Variants in SGCZ observed in about 807,000 individuals in gnomAD.
SGCZ encodes zeta-sarcoglycan.
A neutral mutation model predicts 41.3 loss-of-function variants in SGCZ; 40 were observed. The ratio of observed to expected loss-of-function variants is 0.97; its 90% CI spans 0.75 to 1.26. The LOEUF (loss-of-function observed/expected upper bound fraction) is 1.26, where lower values mean the gene tolerates loss of function less well. SGCZ is among the 50% of genes most tolerant of loss of function. The pLI is 0.00. For synonymous variants in SGCZ, 206 were observed against 137.5 expected, an observed-to-expected ratio of 1.50 and a Z score of -3.49; for missense variants, 552 against 369.8, an observed-to-expected ratio of 1.49 and a Z score of -4.04.
intron 5 of SGCZ, among the ~76,000 whole-genome samples, chr8:14,130,353 ATATAT>A (rs140568657): frequency 0.18 from 27,414 of 151,902 alleles, 3,258 homozygotes; most frequent in East Asian, 0.63. Flanking sequence ...TATAATCAAA[ATATAT>A]TATTGTCAAA....
At chr8:15,053,151 A>G (rs1804578549) in intron 1 of SGCZ, among the ~76,000 whole-genome samples, 1 of 152,058 alleles carries the variant, frequency 6.6e-6, no homozygotes, top group African/African-American at 2.4e-5. Flanking sequence ...TTCCTATTTG[A>G]TGCTTTGATT....
chr8:14,140,891 T>C (rs1353412148), intron 5 of SGCZ, among the ~76,000 whole-genome samples: 2 of 152,124 alleles, frequency 1.3e-5, no homozygotes, highest in African/African-American at 2.4e-5. Flanking sequence ...AGAACAACAC[T>C]GGAGGCATAA....
chr8:14,341,520 T>C (rs1563267782), intron 2 of SGCZ, among the ~76,000 whole-genome samples: 1 of 152,160 alleles, frequency 6.6e-6, no homozygotes, highest in African/African-American at 2.4e-5. Context: ...AGGTTTGAAG[T>C]GACAAGACGC....
chr8:14,791,030 C>G (rs1177395092), intron 1 of SGCZ, among the ~76,000 whole-genome samples: 1 of 111,948 alleles, frequency 8.9e-6, no homozygotes, highest in Admixed American at 9.7e-5. Context: ...GACTCTGTCT[C>G]AAAAAAAAAA....
intron 2 of SGCZ, among the ~76,000 whole-genome samples, chr8:14,486,833 C>G (rs530705642): frequency 6.6e-6 from 1 of 152,170 alleles, no homozygotes; most frequent in African/African-American, 2.4e-5. Context: ...TGAATGATTA[C>G]GTTTTAAAGT....
At chr8:14,864,905 C>A (rs1803874080) in intron 1 of SGCZ, among the ~76,000 whole-genome samples, 2 of 151,970 alleles carry the variant, frequency 1.3e-5, no homozygotes, top group African/African-American at 4.8e-5. Context: ...TTTTGATTTT[C>A]ATTTCCTTGA....
intron 2 of SGCZ, among the ~76,000 whole-genome samples, chr8:14,351,253 C>T (rs2117104640): frequency 6.6e-6 from 1 of 152,180 alleles, no homozygotes; most frequent in South Asian, 2.1e-4. Flanking sequence ...TAAACTTATT[C>T]AGATAAATTG....
intron 2 of SGCZ, among the ~76,000 whole-genome samples, chr8:14,357,834 C>G (rs1803351649): frequency 6.6e-6 from 1 of 152,156 alleles, no homozygotes; most frequent in African/African-American, 2.4e-5. Flanking sequence ...CTGGTATTTT[C>G]TTGCTAACTC....
At chr8:14,747,660 CATT>C (rs151163754) in intron 1 of SGCZ, among the ~76,000 whole-genome samples, 1,410 of 139,486 alleles carry the variant, frequency 0.01, 19 homozygotes, top group Non-Finnish European at 0.012. Flanking sequence ...GGGTACAAGG[CATT>C]ATTATTATTA....
chr8:14,923,684 A>G (rs1339613522), intron 1 of SGCZ, among the ~76,000 whole-genome samples: 1 of 152,238 alleles, frequency 6.6e-6, no homozygotes, highest in Admixed American at 6.5e-5. Context: ...TTTATATCAC[A>G]GGAGAACAAT....
intron 4 of SGCZ, among the ~76,000 whole-genome samples, chr8:14,197,595 G>A (rs1194697487): frequency 6.6e-6 from 1 of 151,918 alleles, no homozygotes; most frequent in African/African-American, 2.4e-5. Flanking sequence ...AAAAGCTTCT[G>A]TCAAAATTCA....
chr8:14,142,915 G>C (rs1013533003), intron 5 of SGCZ, among the ~76,000 whole-genome samples: 1 of 151,522 alleles, frequency 6.6e-6, no homozygotes, highest in South Asian at 2.1e-4. Flanking sequence ...TAAGTTTCCT[G>C]AGACCTCCCT....
chr8:14,230,378 C>T (rs569022195), intron 4 of SGCZ, among the ~76,000 whole-genome samples: 52 of 152,158 alleles, frequency 3.4e-4, no homozygotes, highest in African/African-American at 1.1e-3. Flanking sequence ...CTCCAGGAAG[C>T]GTTCCAATAC....
chr8:14,821,261 T>C (rs1335363225), intron 1 of SGCZ, among the ~76,000 whole-genome samples: 1 of 151,834 alleles, frequency 6.6e-6, no homozygotes, highest in East Asian at 1.9e-4. Context: ...CTACTAAAAT[T>C]AAATTATGAG....
intron 1 of SGCZ, among the ~76,000 whole-genome samples, chr8:15,086,741 G>A (rs1287401061): frequency 6.6e-6 from 1 of 151,844 alleles, no homozygotes; most frequent in Non-Finnish European, 1.5e-5. Flanking sequence ...TTGTGGACCT[G>A]GAATATTTTC....
intron 1 of SGCZ, among the ~76,000 whole-genome samples, chr8:14,772,755 A>G (rs946195744): frequency 6.6e-6 from 1 of 151,814 alleles, no homozygotes; most frequent in Non-Finnish European, 1.5e-5. Flanking sequence ...AAGGACATGA[A>G]CTCATCATTT....
intron 1 of SGCZ, among the ~76,000 whole-genome samples, chr8:15,128,437 C>T (rs573610560): frequency 2.1e-4 from 32 of 152,326 alleles, no homozygotes; most frequent in Admixed American, 9.8e-4. Flanking sequence ...CTTATGCAGA[C>T]GTTTTGCAGG....
intron 2 of SGCZ, among the ~76,000 whole-genome samples, chr8:14,352,283 G>A (rs889474273): frequency 6.6e-6 from 1 of 152,026 alleles, no homozygotes; most frequent in African/African-American, 2.4e-5. Flanking sequence ...GAAGGTGCAG[G>A]AAAAGAGGAG....
intron 5 of SGCZ, among the ~76,000 whole-genome samples, chr8:14,110,758 A>C (rs1322369470): frequency 6.6e-6 from 1 of 152,136 alleles, no homozygotes. Context: ...CAGCATAAAA[A>C]AATTAAAAAT....
Sources: gnomAD v4.1 joint callset for allele counts (sites outside exome capture counted in the v4.1 genomes callset) on GRCh38, gnomAD v4.1.1 for gene constraint, MANE v1.5 for transcripts, NCBI Gene and HGNC (gene_info 2026-07-23, HGNC 2026-07-21) for gene names.